Variants in FAT3 observed in about 807,000 individuals in gnomAD.
FAT3 encodes the protein FAT atypical cadherin 3, also known as protocadherin Fat 3.
Under a neutral mutation model 310.2 loss-of-function variants are expected in FAT3, and 95 were observed. The observed-to-expected ratio is 0.31, with a 90% confidence interval of 0.26 to 0.36. The LOEUF (loss-of-function observed/expected upper bound fraction) is 0.36. Among genes scored for constraint, FAT3 ranks in the 10% least tolerant of loss-of-function variants. The pLI is 1.00. For missense variants in FAT3, 5,408 were observed against 5,715.6 expected (o/e 0.95, Z 1.74); for synonymous variants, 2,314 against 2,192.9 (o/e 1.06, Z -1.54).
intron 2 of FAT3, among the ~76,000 whole-genome samples, chr11:92,491,349 C>G (rs1290150338): frequency 6.6e-6 from 1 of 152,018 alleles, no homozygotes; most frequent in Non-Finnish European, 1.5e-5. Flanking sequence ...GCTGCAAAAC[C>G]TACTGCAATA....
rs1953615531 is a variant in FAT3, at chr11:92,519,624, G to A, written c.3293-5010G>A. 1.3e-5 allele frequency among the ~76,000 whole-genome samples: 2 copies of A among 152,016 alleles called. 1 individual carries two copies. On this transcript the variant is annotated intron_variant, in intron 2 of 27. Transcript: ENST00000525166. ...GGGGAAGTTAGCAAATCACTTATCT[G>A]ATAAAGACTCTTATCCAGAATATAT...
chr11:92,315,910 A>G (rs904565168), intron 1 of FAT3, among the ~76,000 whole-genome samples: 3 of 152,144 alleles, frequency 2.0e-5, no homozygotes, highest in African/African-American at 4.8e-5. Context: ...ATTTGTCTTC[A>G]TACATAATGA....
intron 3 of FAT3, among the ~76,000 whole-genome samples, chr11:92,583,303 G>A (rs2135538239): frequency 6.6e-6 from 1 of 152,112 alleles, no homozygotes; most frequent in East Asian, 1.9e-4. Flanking sequence ...TTACAAGATA[G>A]CTTTCTCCTT....
At chr11:92,512,511 AT>A (rs923962633) in intron 2 of FAT3, among the ~76,000 whole-genome samples, 131 of 144,238 alleles carry the variant, frequency 9.1e-4, no homozygotes, top group Non-Finnish European at 1.8e-3. Context: ...TCAAAAAAAA[AT>A]ATATATAAAT....
chr11:92,841,452 G>A (rs1948546679), intron 18 of FAT3, among the ~76,000 whole-genome samples: 1 of 152,148 alleles, frequency 6.6e-6, no homozygotes, highest in African/African-American at 2.4e-5. Context: ...TATTGGTATT[G>A]GTATAGCATT....
At chr11:92,229,336 C>T (rs1864047269) in intron 1 of FAT3, among the ~76,000 whole-genome samples, 1 of 143,774 alleles carries the variant, frequency 7.0e-6, no homozygotes, top group Non-Finnish European at 1.5e-5. Context: ...TGACAACTTT[C>T]TCTGGGAAGA....
In FAT3 at chr11:92,798,103, G is replaced by A. The variant is rs759957733; in HGVS notation, c.5090G>A (p.Ser1697Asn). 6.2e-7 allele frequency: 1 copy of A among 1,613,876 alleles called. No homozygotes were observed. The highest frequency in any genetic ancestry group is 8.5e-7 in the Non-Finnish European group (1 of 1,179,866). ...TCAGTCATTCTAATCTCTGCCATCA[G>A]TCAATCTACCCTCATTTATGAAGTC... ...GTSVILISAI[S>N]QSTLIYEVKD... The change falls in exon 10 of 28, where the codon AGT becomes AAT. Residue 1697 changes from serine (S) to asparagine (N), a missense_variant. Around this residue, in one of 5 missense-constraint regions of FAT3, gnomAD observed 4,588 missense variants for 4,809.8 expected, o/e 0.95. Coordinates refer to ENST00000525166, the MANE Select transcript of FAT3 (RefSeq NM_001367949.2).
At chr11:92,340,841 A>G (rs1226773261) in intron 1 of FAT3, among the ~76,000 whole-genome samples, 4 of 152,190 alleles carry the variant, frequency 2.6e-5, no homozygotes, top group East Asian at 3.9e-4. Context: ...AATGGGGACT[A>G]TGGGAGAGCT....
In FAT3 at chr11:92,800,480, T is replaced by C; in HGVS notation, c.7467T>C (p.Ala2489=). The change falls in exon 10 of 28, where the codon GCT becomes GCC. Residue 2489 remains alanine, a synonymous_variant. Transcript: ENST00000525166. ...TAQVHIRVLG[A]NLYSPAFSQS... is the part of the protein sequence containing the mutation. The stretch of plus-strand genomic sequence containing the variant: ...AGGTGCATATTAGGGTACTTGGGGC[T>C]AACTTGTACAGCCCTGCCTTTTCAC... 1 of 1,613,970 alleles carries C rather than the reference T, an allele frequency of 6.2e-7. No individual in the cohort carries two copies.
At chr11:92,692,683 G>A (rs970451596) in intron 3 of FAT3, among the ~76,000 whole-genome samples, 34 of 152,170 alleles carry the variant, frequency 2.2e-4, no homozygotes, top group South Asian at 4.1e-4. Flanking sequence ...GATGGTGAAG[G>A]GTTTACCAGA....
intron 2 of FAT3, among the ~76,000 whole-genome samples, chr11:92,399,010 A>G (rs1274530186): frequency 6.6e-6 from 1 of 152,222 alleles, no homozygotes; most frequent in Non-Finnish European, 1.5e-5. Context: ...AATGAGCAGG[A>G]AATCAGGAGC....
intron 2 of FAT3, among the ~76,000 whole-genome samples, chr11:92,384,542 T>A (rs894826098): frequency 9.2e-5 from 14 of 152,156 alleles, no homozygotes. Context: ...ATGTGTTGAT[T>A]CATTGTGAAA....
chr11:92,703,601 G>C (rs1944169059), intron 4 of FAT3, among the ~76,000 whole-genome samples: 1 of 152,218 alleles, frequency 6.6e-6, no homozygotes, highest in African/African-American at 2.4e-5. Flanking sequence ...CACAGCTGCT[G>C]ACCTCTTTCC....
chr11:92,818,097 C>G (rs986283107), intron 13 of FAT3, among the ~76,000 whole-genome samples: 6 of 152,144 alleles, frequency 3.9e-5, no homozygotes, highest in Admixed American at 6.5e-5. Context: ...CCTAGACACT[C>G]CACTTTAAAT....
chr11:92,844,535 C>G lies in FAT3; in HGVS notation c.11168C>G (p.Ser3723Cys). ...CCAGCCTACCTGATCCAGAAGCTGT[C>G]CAATGCTAGAAGACACCTGGAGAAT... ...YKPAYLIQKLSNARRHLENIM... is the reference protein window; with the variant it reads ...YKPAYLIQKLCNARRHLENIM... Residue 3723 changes from serine to cysteine, a missense_variant, in exon 19 of 28, where the codon TCC becomes TGC. Ser to Cys is a moderately radical substitution (Grantham distance 112). Transcript: ENST00000525166. 6.2e-7 allele frequency: 1 copy of G among 1,613,992 alleles called. No homozygotes were observed. Among genetic ancestry groups the G allele is most frequent in the Non-Finnish European group, 8.5e-7 (1 of 1,179,892 alleles).
At chr11:92,301,173 G>C (rs1946988192) in intron 1 of FAT3, among the ~76,000 whole-genome samples, 1 of 152,116 alleles carries the variant, frequency 6.6e-6, no homozygotes, top group Non-Finnish European at 1.5e-5. Flanking sequence ...AGTCAGCTGG[G>C]CTACACTCAC....
intron 2 of FAT3, among the ~76,000 whole-genome samples, chr11:92,431,945 T>C (rs1950791367): frequency 1.3e-5 from 2 of 152,230 alleles, no homozygotes; most frequent in Admixed American, 1.3e-4. Flanking sequence ...TGCCTCCAGC[T>C]TTGTTCTTTT....
chr11:92,424,308 C>T (rs1026337031), intron 2 of FAT3, among the ~76,000 whole-genome samples: 3 of 152,064 alleles, frequency 2.0e-5, no homozygotes, highest in African/African-American at 7.2e-5. Flanking sequence ...ATTATACCTG[C>T]TTATTTTTAT....
At chr11:92,492,441 A>T (rs1952635741) in intron 2 of FAT3, among the ~76,000 whole-genome samples, 1 of 152,062 alleles carries the variant, frequency 6.6e-6, no homozygotes, top group Non-Finnish European at 1.5e-5. Context: ...ATAATTAGCA[A>T]GGTTGTATTC....
Sources: gnomAD v4.1 joint callset for allele counts (sites outside exome capture counted in the v4.1 genomes callset) on GRCh38, gnomAD v4.1.1 for gene constraint, gnomAD v4.1.1 regional missense constraint, MANE v1.5 for transcripts, NCBI Gene and HGNC (gene_info 2026-07-23, HGNC 2026-07-21) for gene names.